The following COBL variants were observed in gnomAD, a reference collection of about 807,000 sequenced individuals.
COBL encodes the protein cordon-bleu WH2 repeat protein, also known as protein cordon-bleu.
A neutral mutation model predicts 98.8 loss-of-function variants in COBL; 51 were observed. The observed-to-expected ratio is 0.52, with a 90% CI of 0.41 to 0.65. The LOEUF (loss-of-function observed/expected upper bound fraction) is 0.65. Ranked by LOEUF, COBL falls within the 30% of genes least tolerant of loss-of-function variation. The probability of loss-of-function intolerance (pLI) is 0.00; values close to 1 mark genes in which losing one functional copy is unlikely to be tolerated. For missense variants in COBL, 1,617 were observed against 1,617.5 expected, an observed-to-expected ratio of 1.00 and a Z score of 0.01; for synonymous variants, 634 against 651.7, an observed-to-expected ratio of 0.97 and a Z score of 0.41.
At chr7:51,162,933 T>TACTC (rs1350479299) in intron 5 of COBL, among the ~76,000 whole-genome samples, 1 of 152,196 alleles carries the variant, frequency 6.6e-6, no homozygotes, top group Non-Finnish European at 1.5e-5. Flanking sequence ...ATAAAGCCAA[T>TACTC]ACTCACTGCA....
At chr7:51,159,392 C>T (rs1427117064) in intron 5 of COBL, among the ~76,000 whole-genome samples, 1 of 152,118 alleles carries the variant, frequency 6.6e-6, no homozygotes, top group African/African-American at 2.4e-5. Flanking sequence ...GGTTCTGGCC[C>T]GAGGCACTGT....
chr7:51,082,969 A>T, intron 7 of COBL: 1 of 1,241,562 alleles, frequency 8.1e-7, no homozygotes. Context: ...CAAAGACAAG[A>T]ATGGAAAATC....
intron 1 of COBL, among the ~76,000 whole-genome samples, chr7:51,281,027 G>C (rs1336772292): frequency 6.6e-6 from 1 of 152,112 alleles, no homozygotes; most frequent in Non-Finnish European, 1.5e-5. Flanking sequence ...AAAATGACTA[G>C]GAAATAATAC....
intron 5 of COBL, among the ~76,000 whole-genome samples, chr7:51,158,571 A>ATTT (rs1271541245): frequency 6.6e-6 from 1 of 152,190 alleles, no homozygotes; most frequent in Non-Finnish European, 1.5e-5. Flanking sequence ...GGGATTTAAG[A>ATTT]AGATCCCAGT....
At chr7:51,087,479 TG>T (rs1794388366) in intron 6 of COBL, among the ~76,000 whole-genome samples, 1 of 152,002 alleles carries the variant, frequency 6.6e-6, no homozygotes, top group Admixed American at 6.6e-5. Flanking sequence ...CTGTTTTGTG[TG>T]GGGTTTTTTT....
intron 1 of COBL, among the ~76,000 whole-genome samples, chr7:51,277,102 T>A (rs1799379046): frequency 6.6e-6 from 1 of 152,162 alleles, no homozygotes; most frequent in East Asian, 1.9e-4. Context: ...CACAGGCCAG[T>A]CATCCTTCCC....
intron 1 of COBL, among the ~76,000 whole-genome samples, chr7:51,226,893 C>T (rs182540590): frequency 1.1e-3 from 161 of 152,316 alleles, no homozygotes; most frequent in Non-Finnish European, 1.7e-3. Context: ...CCCCATTTTA[C>T]AGACAGGGTG....
intron 1 of COBL, among the ~76,000 whole-genome samples, chr7:51,253,089 T>G (rs1796876551): frequency 6.6e-6 from 1 of 152,054 alleles, no homozygotes; most frequent in Non-Finnish European, 1.5e-5. Context: ...CCAGTCATGG[T>G]GGCGGGCACC....
chr7:51,061,248 A>G lies in COBL; in HGVS notation c.1097-17556T>C, dbSNP rs4947570. 3.4e-3 allele frequency among the ~76,000 whole-genome samples: 521 copies of G among 152,130 alleles called. 13 individuals carry two copies. In the South Asian group the frequency reaches 0.043, roughly 13 times the overall value. ...AATATGTTTGTGTGTGTGTGTGTGTATATATGTATATATACATATAAATAT... is the reference window on the plus strand; with the variant it reads ...AATATGTTTGTGTGTGTGTGTGTGTGTATATGTATATATACATATAAATAT... On this transcript the variant is annotated intron_variant, in intron 7 of 12. Coordinates refer to ENST00000265136, the MANE Select transcript of COBL (RefSeq NM_015198.5).
chr7:51,231,368 A>G (rs1053996034), intron 1 of COBL, among the ~76,000 whole-genome samples: 1 of 152,196 alleles, frequency 6.6e-6, no homozygotes, highest in Non-Finnish European at 1.5e-5. Context: ...CTGTCTAGTA[A>G]GGACATCACA....
At chr7:51,064,296 T>C (rs940145639) in intron 7 of COBL, 3 of 150,890 alleles carry the variant, frequency 2.0e-5, no homozygotes, top group African/African-American at 7.3e-5. Flanking sequence ...TTAACTCAGC[T>C]TGAGTGGCTT....
intron 4 of COBL, among the ~76,000 whole-genome samples, chr7:51,189,509 C>T (rs939602517): frequency 8.5e-5 from 13 of 152,096 alleles, no homozygotes; most frequent in Non-Finnish European, 1.6e-4. Context: ...TGGGAGGTGC[C>T]TGTAATCCCA....
rs1554416805 is a variant in COBL, at chr7:51,177,815, T to TAAAA, written c.783+6283_783+6286dup. ...ATAAATAAATAAATAAATAAATAAA[T>TAAAA]AAAAATTTAAAAGGTTATAAAAAAG... is the stretch of plus-strand genomic sequence containing the variant. On this transcript the variant is annotated intron_variant, in intron 5 of 12. Transcript: ENST00000265136. Among the ~76,000 whole-genome samples, 10 of 147,624 alleles carry TAAAA rather than the reference T, an allele frequency of 6.8e-5. No individual in the cohort carries two copies. In the South Asian group the frequency reaches 1.9e-3, roughly 28 times the overall value.
At chr7:51,172,545 C>G (rs1220577316) in intron 5 of COBL, 1 of 1,282,420 alleles carries the variant, frequency 7.8e-7, no homozygotes, top group South Asian at 1.3e-5. Context: ...AACACAAGCA[C>G]CAGGCCACAT....
chr7:51,058,745 GA>G (rs1379321281), intron 7 of COBL, among the ~76,000 whole-genome samples: 10 of 152,308 alleles, frequency 6.6e-5, no homozygotes, highest in Admixed American at 6.5e-4. Context: ...ATGAGGCAGG[GA>G]AAGCCTGACA....
chr7:51,181,570 T>C (rs979774274), intron 5 of COBL, among the ~76,000 whole-genome samples: 4 of 152,226 alleles, frequency 2.6e-5, no homozygotes, highest in African/African-American at 9.6e-5. Context: ...AAAACCTTCT[T>C]GTAACTACGG....
intron 5 of COBL, among the ~76,000 whole-genome samples, chr7:51,168,803 A>G (rs1787579672): frequency 6.6e-6 from 1 of 152,242 alleles, no homozygotes; most frequent in Admixed American, 6.5e-5. Flanking sequence ...TATATTGAAG[A>G]GATATCTGCA....
At chr7:51,285,409 G>A (rs1416558558) in intron 1 of COBL, among the ~76,000 whole-genome samples, 2 of 147,352 alleles carry the variant, frequency 1.4e-5, no homozygotes, top group South Asian at 2.2e-4. Context: ...AATCCTCACA[G>A]AATTGATAGA....
chr7:51,284,024 G>A (rs1179470593), intron 1 of COBL, among the ~76,000 whole-genome samples: 1 of 150,484 alleles, frequency 6.6e-6, no homozygotes, highest in Non-Finnish European at 1.5e-5. Context: ...GGTGGCTCAT[G>A]CCTGTAATCC....
Sources: gnomAD v4.1 joint callset for allele counts (sites outside exome capture counted in the v4.1 genomes callset) on GRCh38, gnomAD v4.1.1 for gene constraint, MANE v1.5 for transcripts, NCBI Gene and HGNC (gene_info 2026-07-23, HGNC 2026-07-21) for gene names.